The following GRM1 variants were observed in gnomAD, a reference collection of about 807,000 sequenced individuals.
The protein encoded by GRM1 is glutamate metabotropic receptor 1.
In GRM1, 33 loss-of-function variants were observed where a neutral mutation model predicts 90.9. The ratio of observed to expected loss-of-function variants is 0.36; its 90% CI spans 0.28 to 0.49. GRM1 has a LOEUF of 0.49. Among genes scored for constraint, GRM1 ranks in the 20% least tolerant of loss-of-function variants. The pLI, the probability that GRM1 is intolerant of heterozygous loss-of-function variation, is 0.99. For missense variants in GRM1, 1,190 were observed against 1,534.3 expected (o/e 0.78, Z 3.75); for synonymous variants, 700 against 613.2 (o/e 1.14, Z -2.09).
chr6:146,068,102 A>G (rs867989823), intron 1 of GRM1, among the ~76,000 whole-genome samples: 2 of 150,878 alleles, frequency 1.3e-5, no homozygotes, highest in Admixed American at 6.6e-5. Flanking sequence ...AATATCATTG[A>G]ACCTTCAAAT....
At chr6:146,249,607 A>G (rs1478099390) in intron 2 of GRM1, among the ~76,000 whole-genome samples, 1 of 152,160 alleles carries the variant, frequency 6.6e-6, no homozygotes, top group Non-Finnish European at 1.5e-5. Context: ...GAAGAAGTCT[A>G]CCGCAGGGGT....
chr6:146,109,323 A>G (rs6905089), intron 1 of GRM1, among the ~76,000 whole-genome samples: 8,090 of 151,984 alleles, frequency 0.053, 708 homozygotes, highest in African/African-American at 0.18. Context: ...TGTCCCAGCC[A>G]CTCCAGCCTG....
At chr6:146,068,497 G>A (rs1775922958) in intron 1 of GRM1, among the ~76,000 whole-genome samples, 1 of 151,968 alleles carries the variant, frequency 6.6e-6, no homozygotes, top group Non-Finnish European at 1.5e-5. Context: ...CCATTCTCCT[G>A]AGGGTAAAAC....
intron 1 of GRM1, among the ~76,000 whole-genome samples, chr6:146,122,747 T>C (rs1776036118): frequency 6.6e-6 from 1 of 151,778 alleles, no homozygotes; most frequent in African/African-American, 2.4e-5. Context: ...ATCATTTTTG[T>C]GGGTGTAATT....
At chr6:146,089,840 G>T (rs1776658772) in intron 1 of GRM1, among the ~76,000 whole-genome samples, 1 of 152,004 alleles carries the variant, frequency 6.6e-6, no homozygotes, top group Non-Finnish European at 1.5e-5. Context: ...ATATCGCATT[G>T]TTACTTTAAT....
chr6:146,077,614 C>T (rs947474485), intron 1 of GRM1, among the ~76,000 whole-genome samples: 2 of 152,094 alleles, frequency 1.3e-5, no homozygotes, highest in Non-Finnish European at 2.9e-5. Flanking sequence ...AGCCAATTAC[C>T]GACTGATTAC....
chr6:146,085,359 T>C (rs972706516), intron 1 of GRM1, among the ~76,000 whole-genome samples: 2 of 152,096 alleles, frequency 1.3e-5, no homozygotes, highest in Non-Finnish European at 2.9e-5. Flanking sequence ...GAAACACTAA[T>C]GCCTCAAAGA....
intron 6 of GRM1, 59 bp from the exon 7 acceptor site, chr6:146,398,710 A>C (rs1215741444): frequency 8.9e-7 from 1 of 1,118,790 alleles, no homozygotes; most frequent in Non-Finnish European, 1.4e-6. Flanking sequence ...ATTAATAGGC[A>C]AGTTGTTATT....
At chr6:146,203,152 C>T (rs1325410701) in intron 2 of GRM1, among the ~76,000 whole-genome samples, 1 of 151,108 alleles carries the variant, frequency 6.6e-6, no homozygotes, top group African/African-American at 2.4e-5. Flanking sequence ...CAAGATAGCG[C>T]CACATCACTC....
chr6:146,428,082 G>T (rs1479632669), intron 7 of GRM1, among the ~76,000 whole-genome samples: 1 of 152,222 alleles, frequency 6.6e-6, no homozygotes, highest in East Asian at 1.9e-4. Flanking sequence ...TAACAGATTG[G>T]CCGTTAAGAA....
At position 146,398,769 on chromosome 6, in the gene GRM1, G is replaced by A; in HGVS notation, c.1730G>A (p.Gly577Asp). ...LGWWPNADLT[G>D]CEPIPVRYLE... is the part of the protein sequence containing the mutation. ...GCTCAAATGATTTTTCTCATCACAGGCTGTGAGCCCATTCCTGTGCGCTAT... is the reference window on the plus strand; with the variant it reads ...GCTCAAATGATTTTTCTCATCACAGACTGTGAGCCCATTCCTGTGCGCTAT... The change falls in exon 7 of 8, where the codon GGC (glycine) becomes GAC (aspartate). Residue 577 changes from glycine to aspartate, a missense_variant and splice_region_variant. Physicochemically the swap from Gly to Asp is moderately conservative, Grantham distance 94. Around this residue, in one of 10 missense-constraint regions of GRM1, gnomAD observed 414 missense variants for 598.4 expected, o/e 0.69. Transcript: ENST00000282753. 1 of 1,604,956 alleles carries A rather than the reference G, an allele frequency of 6.2e-7. No homozygotes were observed.
intron 2 of GRM1, among the ~76,000 whole-genome samples, chr6:146,184,020 G>T (rs545617393): frequency 2.6e-5 from 4 of 152,218 alleles, no homozygotes; most frequent in Non-Finnish European, 4.4e-5. Context: ...GAACCCTGAA[G>T]CATTGTAAAA....
Position 146,310,486 on chromosome 6 carries a change from A to G in GRM1, c.1186+5640A>G, listed in dbSNP as rs566379416. Among the ~76,000 whole-genome samples, 4 of 152,256 alleles carry G rather than the reference A, an allele frequency of 2.6e-5. No homozygotes were observed. The South Asian group carries it at 8.3e-4, about 32-fold the overall frequency. On this transcript the variant is annotated intron_variant, in intron 3 of 7. Coordinates refer to ENST00000282753, the MANE Select transcript of GRM1 (RefSeq NM_001278064.2). ...GAAGAATATCATTTGCTTTCAACCC[A>G]GAAGTTGGTATTATTAGTTGGGGTT...
At chr6:146,051,444 A>T (rs1775285334) in intron 1 of GRM1, among the ~76,000 whole-genome samples, 1 of 152,090 alleles carries the variant, frequency 6.6e-6, no homozygotes, top group East Asian at 1.9e-4. Context: ...ATTTACTGAT[A>T]AAGGGGAAAA....
intron 3 of GRM1, among the ~76,000 whole-genome samples, chr6:146,347,062 A>G (rs746864685): frequency 6.6e-6 from 1 of 152,246 alleles, no homozygotes; most frequent in Non-Finnish European, 1.5e-5. Flanking sequence ...ATGGGGTTGC[A>G]TTAATGAACT....
At chr6:146,232,792 C>T (rs946878601) in intron 2 of GRM1, among the ~76,000 whole-genome samples, 4 of 151,978 alleles carry the variant, frequency 2.6e-5, no homozygotes, top group Non-Finnish European at 5.9e-5. Flanking sequence ...TAGTCACATT[C>T]TGATGTACTG....
chr6:146,097,424 T>C (rs942069961), intron 1 of GRM1, among the ~76,000 whole-genome samples: 1 of 152,168 alleles, frequency 6.6e-6, no homozygotes, highest in Non-Finnish European at 1.5e-5. Context: ...GGGTAGGAAG[T>C]ACCTAAAATA....
At chr6:146,059,043 T>C (rs1219707583) in intron 1 of GRM1, among the ~76,000 whole-genome samples, 1 of 152,170 alleles carries the variant, frequency 6.6e-6, no homozygotes. Flanking sequence ...CTTAATAATG[T>C]TGATATTTTG....
intron 5 of GRM1, among the ~76,000 whole-genome samples, chr6:146,372,078 A>G (rs960496224): frequency 5.9e-5 from 9 of 152,146 alleles, no homozygotes; most frequent in African/African-American, 1.7e-4. Context: ...ATTCCCATGA[A>G]CAGTGTACAA....
Sources: allele counts gnomAD v4.1 joint callset (sites outside exome capture counted in the v4.1 genomes callset), GRCh38; gene constraint gnomAD v4.1.1; regional missense constraint gnomAD v4.1.1; transcripts MANE v1.5; gene names NCBI Gene and HGNC (gene_info 2026-07-23, HGNC 2026-07-21).